The following SOX6 variants were observed in gnomAD, a reference collection of about 807,000 sequenced individuals.
SOX6 encodes transcription factor SOX-6.
SOX6 carries 11 observed loss-of-function variants against 97.8 expected under a neutral mutation model. That is an observed-to-expected ratio of 0.11 (90% CI 0.07 to 0.19). The LOEUF (loss-of-function observed/expected upper bound fraction) is 0.19, where lower values mean the gene tolerates loss of function less well. SOX6 is among the 10% of genes least tolerant of loss of function. The pLI, the probability that SOX6 is intolerant of heterozygous loss-of-function variation, is 1.00. For missense variants in SOX6, 810 were observed against 1,039.5 expected (o/e 0.78, Z 3.04); for synonymous variants, 360 against 371.4 (o/e 0.97, Z 0.35).
At chr11:16,594,971 C>A (rs1017107602) in intron 4 of SOX6, among the ~76,000 whole-genome samples, 1 of 152,082 alleles carries the variant, frequency 6.6e-6, no homozygotes, top group African/African-American at 2.4e-5. Flanking sequence ...GGATTACAGG[C>A]GTGAGCCACC....
chr11:16,085,264 G>C (rs1023146405), intron 9 of SOX6, among the ~76,000 whole-genome samples: 1 of 152,066 alleles, frequency 6.6e-6, no homozygotes, highest in Non-Finnish European at 1.5e-5. Flanking sequence ...AGTATGGTGA[G>C]GACTGGTTGG....
At chr11:16,313,691 A>G (rs1855675226) in intron 3 of SOX6, 1 of 152,050 alleles carries the variant, frequency 6.6e-6, no homozygotes, top group Admixed American at 6.6e-5. Flanking sequence ...CTATGCTCCA[A>G]GTAGATAATC....
At chr11:16,218,837 GT>G (rs757169564) in intron 4 of SOX6, among the ~76,000 whole-genome samples, 61 of 152,086 alleles carry the variant, frequency 4.0e-4, no homozygotes, top group Non-Finnish European at 8.2e-4. Flanking sequence ...TAATACTTGG[GT>G]TTTTCTACCT....
intron 1 of SOX6, among the ~76,000 whole-genome samples, chr11:16,467,768 A>G (rs573232593): frequency 3.9e-5 from 6 of 152,258 alleles, no homozygotes; most frequent in African/African-American, 1.4e-4. Flanking sequence ...AACCCTGCAC[A>G]TGTACCCCTG....
chr11:16,574,456 C>T (rs1418845283), intron 4 of SOX6, among the ~76,000 whole-genome samples: 1 of 152,050 alleles, frequency 6.6e-6, no homozygotes, highest in African/African-American at 2.4e-5. Flanking sequence ...AACTACACCT[C>T]TACTTTAGAC....
chr11:16,130,147 A>G (rs1466193407), intron 6 of SOX6, among the ~76,000 whole-genome samples: 1 of 152,026 alleles, frequency 6.6e-6, no homozygotes, highest in African/African-American at 2.4e-5. Context: ...CTTTCTATAT[A>G]CTAGTAATAA....
At chr11:16,597,415 C>T (rs1848225122) in intron 4 of SOX6, among the ~76,000 whole-genome samples, 1 of 151,588 alleles carries the variant, frequency 6.6e-6, no homozygotes, top group African/African-American at 2.4e-5. Context: ...TAAATTATAT[C>T]ACCATCCCCA....
At chr11:16,544,064 TA>T (rs955685967) in intron 4 of SOX6, among the ~76,000 whole-genome samples, 1 of 151,940 alleles carries the variant, frequency 6.6e-6, no homozygotes, top group African/African-American at 2.4e-5. Context: ...TAAAACATGC[TA>T]AAAAAATGGA....
intron 4 of SOX6, among the ~76,000 whole-genome samples, chr11:16,481,928 G>A (rs957062716): frequency 1.8e-4 from 27 of 151,112 alleles, no homozygotes; most frequent in African/African-American, 6.6e-4. Flanking sequence ...AGTATTTTAT[G>A]AAATACAAGC....
chr11:16,321,956 A>G (rs1565090868), intron 2 of SOX6, among the ~76,000 whole-genome samples: 1 of 152,200 alleles, frequency 6.6e-6, no homozygotes, highest in Non-Finnish European at 1.5e-5. Context: ...AGGGGCACGT[A>G]AATTAATAAA....
intron 4 of SOX6, among the ~76,000 whole-genome samples, chr11:16,573,824 G>T (rs965801358): frequency 6.6e-5 from 10 of 152,202 alleles, no homozygotes; most frequent in Middle Eastern, 3.4e-3. Flanking sequence ...AAACACTAAA[G>T]CATGTTTGTT....
intron 3 of SOX6, among the ~76,000 whole-genome samples, chr11:16,691,311 T>C (rs1447032611): frequency 1.3e-5 from 2 of 152,190 alleles, no homozygotes; most frequent in Non-Finnish European, 2.9e-5. Context: ...GTCTTGTTTG[T>C]TTTAGACCAT....
chr11:16,709,472 C>T lies in SOX6; in HGVS notation n.429+5358G>A, dbSNP rs1032057353. Among the ~76,000 whole-genome samples, 9 of 151,776 alleles carry T rather than the reference C, an allele frequency of 5.9e-5. No homozygotes were observed. The East Asian group carries it at 1.7e-3, about 29-fold the overall frequency. On this transcript the variant is annotated intron_variant and non_coding_transcript_variant, in intron 3 of 5. Coordinates refer to the SOX6 transcript ENST00000524520. ...GGTGGAGGTTGCAGTGAGTTGAGAT[C>T]GTGCGACTGCACTCCAGCCTGGGAA... is the stretch of plus-strand genomic sequence containing the variant.
At chr11:16,735,944 C>T (rs1275925930) in intron 2 of SOX6, among the ~76,000 whole-genome samples, 1 of 152,038 alleles carries the variant, frequency 6.6e-6, no homozygotes, top group Admixed American at 6.5e-5. Flanking sequence ...GTTGAGAGCA[C>T]GTACTCGACA....
intron 1 of SOX6, among the ~76,000 whole-genome samples, chr11:16,376,829 G>A (rs758744305): frequency 2.6e-5 from 4 of 151,970 alleles, no homozygotes; most frequent in South Asian, 2.1e-4. Context: ...ACTGACAAGC[G>A]TATATTTTTA....
intron 15 of SOX6, among the ~76,000 whole-genome samples, chr11:15,976,658 A>G (rs1403099191): frequency 6.6e-6 from 1 of 152,128 alleles, no homozygotes; most frequent in African/African-American, 2.4e-5. Context: ...CCAGGAGAGG[A>G]CTTCCTCTTT....
intron 3 of SOX6, among the ~76,000 whole-genome samples, chr11:16,259,945 A>ATATGTGTGTGTG (rs3059123): frequency 0.056 from 8,319 of 149,064 alleles, 447 homozygotes; most frequent in African/African-American, 0.14. Flanking sequence ...TGTCCCAAAT[A>ATATGTGTGTGTG]TGTGTGTGTG....
At chr11:16,495,590 C>A (rs755297219) in intron 4 of SOX6, among the ~76,000 whole-genome samples, 12 of 152,168 alleles carry the variant, frequency 7.9e-5, no homozygotes, top group Non-Finnish European at 1.5e-4. Context: ...AAGGACTGTC[C>A]ACCAAGCCTG....
chr11:15,995,553 A>G (rs1486045749), intron 13 of SOX6, among the ~76,000 whole-genome samples: 2 of 152,184 alleles, frequency 1.3e-5, no homozygotes, highest in Non-Finnish European at 2.9e-5. Context: ...TGTGACTCAG[A>G]GATCAAAAAA....
Sources: gnomAD v4.1 joint callset for allele counts (sites outside exome capture counted in the v4.1 genomes callset) on GRCh38, gnomAD v4.1.1 for gene constraint, MANE v1.5 for transcripts, NCBI Gene and HGNC (gene_info 2026-07-23, HGNC 2026-07-21) for gene names.